CHRM3: variants seen among roughly 807,000 people sequenced by gnomAD.
CHRM3 encodes cholinergic receptor muscarinic 3.
CHRM3 carries 11 observed loss-of-function variants against 41.8 expected under a neutral mutation model. The observed-to-expected ratio is 0.26, with a 90% CI of 0.17 to 0.44. The LOEUF (loss-of-function observed/expected upper bound fraction) is 0.44, where lower values mean the gene tolerates loss of function less well. Ranked by LOEUF, CHRM3 falls within the 20% of genes least tolerant of loss-of-function variation. The probability of loss-of-function intolerance (pLI) is 1.00; values close to 1 mark genes in which losing one functional copy is unlikely to be tolerated. For synonymous variants in CHRM3, 297 were observed against 301.4 expected (o/e 0.99, Z 0.15); for missense variants, 571 against 745.4 (o/e 0.77, Z 2.72).
At chr1:239,538,674 T>C (rs1448646867) in intron 2 of CHRM3, among the ~76,000 whole-genome samples, 1 of 152,240 alleles carries the variant, frequency 6.6e-6, no homozygotes, top group Non-Finnish European at 1.5e-5. Context: ...GTGGAATAAA[T>C]ATAGGAGTTA....
chr1:239,755,921 A>G (rs1323263739), intron 5 of CHRM3, among the ~76,000 whole-genome samples: 1 of 152,258 alleles, frequency 6.6e-6, no homozygotes. Flanking sequence ...TACAGGGAAT[A>G]CAAAGAAAAA....
chr1:239,467,277 A>G (rs940403931), intron 1 of CHRM3, among the ~76,000 whole-genome samples: 9 of 152,226 alleles, frequency 5.9e-5, no homozygotes, highest in South Asian at 2.1e-4. Context: ...TGACTGAATG[A>G]GTAGAGGTCG....
At position 239,552,125 on chromosome 1, in the gene CHRM3, T is replaced by C. The variant is rs998625602; in HGVS notation, c.-313+6376T>C. On this transcript the variant is annotated intron_variant, in intron 3 of 6. Coordinates refer to ENST00000676153, the MANE Select transcript of CHRM3 (RefSeq NM_001375978.1). ...AATGAAATATGGCTATTTCTTTCAA[T>C]ATATATGTATTTAATATATGATATA... Among the ~76,000 whole-genome samples, 26 of 149,874 alleles carry C rather than the reference T, an allele frequency of 1.7e-4. No homozygotes were observed. The East Asian group carries it at 5.1e-3, about 29-fold the overall frequency.
chr1:239,580,258 TCACACA>T (rs374479816), intron 3 of CHRM3, among the ~76,000 whole-genome samples: 41,456 of 132,490 alleles, frequency 0.31, 6,640 homozygotes, highest in Middle Eastern at 0.38. Flanking sequence ...ATACACACTG[TCACACA>T]CACACACACA....
chr1:239,494,471 C>T (rs1667754719), intron 2 of CHRM3, among the ~76,000 whole-genome samples: 1 of 152,112 alleles, frequency 6.6e-6, no homozygotes, highest in Non-Finnish European at 1.5e-5. Context: ...TAAAAAAACA[C>T]CTAAACCTAA....
At chr1:239,787,726 T>C (rs1669022909) in intron 5 of CHRM3, among the ~76,000 whole-genome samples, 1 of 152,152 alleles carries the variant, frequency 6.6e-6, no homozygotes, top group Non-Finnish European at 1.5e-5. Context: ...CACAACTAAG[T>C]TTAAATTACA....
At chr1:239,404,384 GA>G (rs1415868530) in intron 1 of CHRM3, among the ~76,000 whole-genome samples, 5 of 69,942 alleles carry the variant, frequency 7.1e-5, no homozygotes, top group African/African-American at 3.0e-4. Context: ...AAGAAAGAAA[GA>G]AAGAAAGAAA....
intron 5 of CHRM3, among the ~76,000 whole-genome samples, chr1:239,776,961 C>T (rs1668137614): frequency 6.6e-6 from 1 of 152,128 alleles, no homozygotes; most frequent in Non-Finnish European, 1.5e-5. Flanking sequence ...TTACCTCCTA[C>T]CAGGTCCCTT....
At chr1:239,793,803 A>ATTTTTTTTTTTTTTTTT (rs67460907) in intron 5 of CHRM3, among the ~76,000 whole-genome samples, 2 of 69,494 alleles carry the variant, frequency 2.9e-5, no homozygotes, top group Admixed American at 2.3e-4. Flanking sequence ...TGAAATGTGT[A>ATTTTTTTTTTTTTTTTT]TTTTTTTTTT....
chr1:239,683,330 A>C (rs1425561863), intron 5 of CHRM3, among the ~76,000 whole-genome samples: 1 of 152,206 alleles, frequency 6.6e-6, no homozygotes, highest in Non-Finnish European at 1.5e-5. Context: ...ACATGAAGTA[A>C]TGAGCAATAA....
At chr1:239,538,544 G>A (rs995713640) in intron 2 of CHRM3, among the ~76,000 whole-genome samples, 1 of 152,178 alleles carries the variant, frequency 6.6e-6, no homozygotes, top group African/African-American at 2.4e-5. Context: ...AGGTTTTGAA[G>A]CTGCTGTCTC....
intron 6 of CHRM3, among the ~76,000 whole-genome samples, chr1:239,901,755 C>T (rs759270542): frequency 3.9e-5 from 6 of 151,970 alleles, no homozygotes; most frequent in Admixed American, 6.6e-5. Context: ...CATTTCAAAA[C>T]GAATGGTCTT....
intron 3 of CHRM3, among the ~76,000 whole-genome samples, chr1:239,587,358 C>T (rs993546615): frequency 1.3e-5 from 2 of 152,172 alleles, no homozygotes; most frequent in South Asian, 4.1e-4. Flanking sequence ...CAGTCATTTA[C>T]GTCAGCTTCT....
At chr1:239,900,568 C>T (rs757721944) in intron 6 of CHRM3, among the ~76,000 whole-genome samples, 71 of 151,856 alleles carry the variant, frequency 4.7e-4, no homozygotes, top group Non-Finnish European at 9.0e-4. Flanking sequence ...TGTTTCCTGG[C>T]CCTATAGGGA....
intron 6 of CHRM3, among the ~76,000 whole-genome samples, chr1:239,870,523 G>A (rs1676485907): frequency 6.6e-6 from 1 of 152,206 alleles, no homozygotes; most frequent in South Asian, 2.1e-4. Context: ...TGACAAGGTG[G>A]CTCAGTCTCA....
intron 5 of CHRM3, among the ~76,000 whole-genome samples, chr1:239,750,936 G>C (rs1048699402): frequency 6.6e-6 from 1 of 152,034 alleles, no homozygotes; most frequent in Non-Finnish European, 1.5e-5. Context: ...CTTAAGAAAG[G>C]AGAAAAGGAG....
chr1:239,424,521 AG>A (rs1173725557), intron 1 of CHRM3, among the ~76,000 whole-genome samples: 2 of 152,234 alleles, frequency 1.3e-5, no homozygotes, highest in African/African-American at 4.8e-5. Context: ...GAGTAAAAGC[AG>A]ATGTAGCTTC....
At chr1:239,760,750 C>T (rs1666694172) in intron 5 of CHRM3, among the ~76,000 whole-genome samples, 1 of 151,946 alleles carries the variant, frequency 6.6e-6, no homozygotes, top group South Asian at 2.1e-4. Context: ...TACCTTGATG[C>T]CTCTGTTCAT....
At chr1:239,592,863 C>A (rs1664336332) in intron 3 of CHRM3, among the ~76,000 whole-genome samples, 1 of 152,026 alleles carries the variant, frequency 6.6e-6, no homozygotes, top group Non-Finnish European at 1.5e-5. Flanking sequence ...TGTGCTTAAT[C>A]AGTCATTGCT....
Sources: allele counts gnomAD v4.1 joint callset (sites outside exome capture counted in the v4.1 genomes callset), GRCh38; gene constraint gnomAD v4.1.1; transcripts MANE v1.5; gene names NCBI Gene and HGNC (gene_info 2026-07-23, HGNC 2026-07-21).